Variants in MAST4 observed in about 807,000 individuals in gnomAD.
The protein encoded by MAST4 is microtubule associated serine/threonine kinase family member 4.
MAST4 carries 89 observed loss-of-function variants against 162.7 expected under a neutral mutation model. The ratio of observed to expected loss-of-function variants is 0.55; its 90% CI spans 0.46 to 0.65. MAST4 has a LOEUF of 0.65. MAST4 is among the 30% of genes least tolerant of loss of function. The probability of loss-of-function intolerance (pLI) is 0.00; values close to 1 mark genes in which losing one functional copy is unlikely to be tolerated. For synonymous variants in MAST4, 1,479 were observed against 1,361.1 expected, an observed-to-expected ratio of 1.09 and a Z score of -1.91; for missense variants, 3,153 against 3,374.0, an observed-to-expected ratio of 0.93 and a Z score of 1.62.
At chr5:66,797,397 T>G (rs1174234795) in intron 3 of MAST4, among the ~76,000 whole-genome samples, 2 of 152,196 alleles carry the variant, frequency 1.3e-5, no homozygotes, top group Admixed American at 1.3e-4. Flanking sequence ...TATAGTTTTG[T>G]GGTTAGTATA....
At chr5:66,686,564 T>A (rs1195605265) in intron 1 of MAST4, among the ~76,000 whole-genome samples, 1 of 152,230 alleles carries the variant, frequency 6.6e-6, no homozygotes, top group Non-Finnish European at 1.5e-5. Context: ...CTTCATTAAC[T>A]CTGCTGTCAG....
intron 4 of MAST4, among the ~76,000 whole-genome samples, chr5:66,909,881 G>A (rs1763631201): frequency 6.6e-6 from 1 of 152,184 alleles, no homozygotes; most frequent in South Asian, 2.1e-4. Context: ...ATAAATGGGA[G>A]TTCTTCTGCA....
chr5:66,872,208 C>A (rs1001721435), intron 3 of MAST4, among the ~76,000 whole-genome samples: 6 of 152,162 alleles, frequency 3.9e-5, no homozygotes, highest in African/African-American at 1.4e-4. Flanking sequence ...CTCACTCTGT[C>A]ACCCAGGCTG....
intron 1 of MAST4, among the ~76,000 whole-genome samples, chr5:66,607,267 A>G (rs946325922): frequency 6.6e-6 from 1 of 152,246 alleles, no homozygotes; most frequent in South Asian, 2.1e-4. Context: ...TGCACTTAGC[A>G]TAAAAGTTTA....
intron 1 of MAST4, among the ~76,000 whole-genome samples, chr5:66,739,575 T>C (rs1752364515): frequency 1.3e-5 from 2 of 152,192 alleles, no homozygotes; most frequent in Non-Finnish European, 2.9e-5. Flanking sequence ...AGCATATCTC[T>C]CAACGCCCTG....
intron 4 of MAST4, among the ~76,000 whole-genome samples, chr5:67,045,720 A>G (rs992398774): frequency 2.0e-5 from 3 of 152,208 alleles, no homozygotes; most frequent in South Asian, 2.1e-4. Context: ...TGCTCTGTAT[A>G]TACGCTCCAA....
Position 67,109,969 on chromosome 5 carries a change from T to G in MAST4, c.1357-129T>G, listed in dbSNP as rs998985434. 3 of 643,570 alleles carry G rather than the reference T, an allele frequency of 4.7e-6. No homozygotes were observed. In the African/African-American group the frequency reaches 5.4e-5, roughly 12 times the overall value. 39.9% of individuals were successfully genotyped at this position (643,570 alleles called of 1,614,324 possible). On this transcript the variant is annotated intron_variant, in intron 10 of 28. Transcript: ENST00000403625. ...CAGATAATGTCTGTTTATCAATCTTTTAATAGCATTTTCTAAATTACTCGA... is the reference window on the plus strand; with the variant it reads ...CAGATAATGTCTGTTTATCAATCTTGTAATAGCATTTTCTAAATTACTCGA...
intron 4 of MAST4, among the ~76,000 whole-genome samples, chr5:67,047,783 A>G (rs1181773802): frequency 6.6e-6 from 1 of 152,172 alleles, no homozygotes; most frequent in Non-Finnish European, 1.5e-5. Context: ...CGAGTTTCTT[A>G]ACTTCACATT....
intron 15 of MAST4, among the ~76,000 whole-genome samples, chr5:67,131,526 T>C (rs1768964571): frequency 6.6e-6 from 1 of 152,152 alleles, no homozygotes; most frequent in African/African-American, 2.4e-5. Flanking sequence ...GTATTTTAAA[T>C]TGTTACCATG....
chr5:66,637,483 G>T (rs926170608), intron 1 of MAST4, among the ~76,000 whole-genome samples: 1 of 151,938 alleles, frequency 6.6e-6, no homozygotes, highest in African/African-American at 2.4e-5. Flanking sequence ...CAATGTGCTT[G>T]TGTCCTTGGA....
At chr5:67,160,660 T>C (rs1272309237) in intron 27 of MAST4, 68 bp downstream of exon 27, 3 of 1,501,242 alleles carry the variant, frequency 2.0e-6, no homozygotes, top group Non-Finnish European at 2.7e-6. Flanking sequence ...ACCCCTTAAT[T>C]AAATGCTTAT....
At chr5:67,147,188 G>T (rs536905611) in intron 23 of MAST4, among the ~76,000 whole-genome samples, 1 of 151,368 alleles carries the variant, frequency 6.6e-6, no homozygotes, top group Non-Finnish European at 1.5e-5. Context: ...TCCCCCATAC[G>T]CACACTAAAA....
At chr5:66,934,663 T>C (rs1292349543) in intron 4 of MAST4, among the ~76,000 whole-genome samples, 1 of 152,210 alleles carries the variant, frequency 6.6e-6, no homozygotes, top group Non-Finnish European at 1.5e-5. Context: ...TTTTAGTGGA[T>C]TAACTGCATA....
At chr5:66,947,406 T>G (rs1744171354) in intron 4 of MAST4, among the ~76,000 whole-genome samples, 1 of 152,196 alleles carries the variant, frequency 6.6e-6, no homozygotes, top group East Asian at 1.9e-4. Flanking sequence ...TCTCTTCTGC[T>G]TTTTCTTATA....
At chr5:66,830,300 A>G (rs980036661) in intron 3 of MAST4, among the ~76,000 whole-genome samples, 1 of 152,168 alleles carries the variant, frequency 6.6e-6, no homozygotes, top group East Asian at 1.9e-4. Flanking sequence ...TATGTCTGTT[A>G]TCACAACTTC....
At chr5:66,724,208 A>T (rs1348620736) in intron 1 of MAST4, among the ~76,000 whole-genome samples, 1 of 152,174 alleles carries the variant, frequency 6.6e-6, no homozygotes, top group East Asian at 1.9e-4. Context: ...TTCCTTTTAC[A>T]ACAGTTACAA....
Position 66,676,038 on chromosome 5 carries a change from G to T in MAST4, c.363+79020G>T, listed in dbSNP as rs118112321. Among the ~76,000 whole-genome samples, 65 of 152,298 alleles carry T rather than the reference G, an allele frequency of 4.3e-4. 1 individual carries two copies. The East Asian group carries it at 0.012, about 29-fold the overall frequency. ...CCTTATTTTGTGTGGCTTAGTTGAC[G>T]CATGAAATCTTCATTGATTTTTGGA... is the stretch of plus-strand genomic sequence containing the variant. On this transcript the variant is annotated intron_variant, in intron 1 of 28. Coordinates refer to ENST00000403625, the MANE Select transcript of MAST4 (RefSeq NM_001164664.2).
intron 4 of MAST4, among the ~76,000 whole-genome samples, chr5:66,919,660 G>GAAAAAA (rs56802433): frequency 3.1e-5 from 3 of 96,890 alleles, no homozygotes; most frequent in South Asian, 3.3e-4. Context: ...CTCCGTCACA[G>GAAAAAA]AAAAAAAAAA....
At chr5:66,937,638 T>C (rs1044944480) in intron 4 of MAST4, among the ~76,000 whole-genome samples, 2 of 152,214 alleles carry the variant, frequency 1.3e-5, no homozygotes, top group Non-Finnish European at 2.9e-5. Flanking sequence ...TACAGGTTTT[T>C]ATGTAGTACG....
Sources: gnomAD v4.1 joint callset for allele counts (sites outside exome capture counted in the v4.1 genomes callset) on GRCh38, gnomAD v4.1.1 for gene constraint, MANE v1.5 for transcripts, NCBI Gene and HGNC (gene_info 2026-07-23, HGNC 2026-07-21) for gene names.